Variants in ALLC observed in about 807,000 individuals in gnomAD.
ALLC encodes probable inactive allantoicase.
Under a neutral mutation model 45.0 loss-of-function variants are expected in ALLC, and 40 were observed. The ratio of observed to expected loss-of-function variants is 0.89; its 90% confidence interval spans 0.69 to 1.16. The LOEUF (loss-of-function observed/expected upper bound fraction) is 1.16, where lower values mean the gene tolerates loss of function less well. ALLC is among the 50% of genes most tolerant of loss of function. ALLC has a pLI of 0.00. For synonymous variants in ALLC, 176 were observed against 178.1 expected, an observed-to-expected ratio of 0.99 and a Z score of 0.09; for missense variants, 488 against 493.1, an observed-to-expected ratio of 0.99 and a Z score of 0.10.
intron 7 of ALLC, among the ~76,000 whole-genome samples, chr2:3,687,362 G>T (rs953539702): frequency 1.3e-5 from 2 of 150,796 alleles, no homozygotes; most frequent in Non-Finnish European, 3.0e-5. Flanking sequence ...GAGGATTTTT[G>T]CATCTATGTC....
chr2:3,670,053 A>G (rs1451866377), intron 1 of ALLC, among the ~76,000 whole-genome samples: 1 of 152,202 alleles, frequency 6.6e-6, no homozygotes, highest in Admixed American at 6.5e-5. Flanking sequence ...GCTTCAGCAC[A>G]AAAGAACCAG....
At chr2:3,653,729 G>A (rs924907653), upstream of ALLC, among the ~76,000 whole-genome samples, 7 of 151,858 alleles carry the variant, frequency 4.6e-5, no homozygotes, top group African/African-American at 1.2e-4. This position sits in a 1 kb window ranked among gnomAD's most constrained non-coding sequence, Gnocchi z 4.1. Context: ...CCCTCATCCC[G>A]TGGGCCATGA....
intron 9 of ALLC, among the ~76,000 whole-genome samples, chr2:3,696,836 C>G (rs988478164): frequency 6.6e-6 from 1 of 152,136 alleles, no homozygotes; most frequent in Admixed American, 6.5e-5. Flanking sequence ...AATACAATGC[C>G]TTTCAATTTG....
the ALLC span, among the ~76,000 whole-genome samples, chr2:3,649,259 T>TTG: frequency 6.6e-6 from 1 of 151,536 alleles, no homozygotes; most frequent in East Asian, 1.9e-4. Context: ...TTTTTTTTTT[T>TTG]GAGACGGAGT....
At chr2:3,702,204 T>C (rs1362869354) in intron 11 of ALLC, among the ~76,000 whole-genome samples, 159 bp from the exon 12 acceptor site, 1 of 152,240 alleles carries the variant, frequency 6.6e-6, no homozygotes, top group Non-Finnish European at 1.5e-5. Context: ...CTATCCCTAC[T>C]AGCAGATTTT....
chr2:3,655,218 C>A (rs928420312), upstream of ALLC, among the ~76,000 whole-genome samples: 1 of 152,250 alleles, frequency 6.6e-6, no homozygotes, highest in Admixed American at 6.5e-5. Flanking sequence ...TCACAGGCTT[C>A]CGGAACTTCA....
In ALLC at chr2:3,697,411, C is replaced by G. The variant is rs1404454020; in HGVS notation, c.805C>G (p.Pro269Ala). 6.2e-7 allele frequency: 1 copy of G among 1,613,730 alleles called. No homozygotes were observed. Among genetic ancestry groups the G allele is most frequent in the East Asian group, 2.2e-5 (1 of 44,882 alleles). Reference sequence around the variant, plus strand: ...ATGGGCAGTTTTCCGATTGGCACATCCTGGAGTAATAACTCGAATTGAAAT... The same window carrying G: ...ATGGGCAGTTTTCCGATTGGCACATGCTGGAGTAATAACTCGAATTGAAAT... ...CEWAVFRLAH[P>A]GVITRIEIDT... is the part of the protein sequence containing the mutation. The change falls in exon 10 of 12, where the codon CCT (proline) becomes GCT (alanine). Residue 269 changes from proline (P) to alanine (A), a missense_variant. Coordinates refer to ENST00000252505, the MANE Select transcript of ALLC (RefSeq NM_018436.4).
At chr2:3,645,861 GTGT>G in the ALLC span, among the ~76,000 whole-genome samples, 1 of 152,088 alleles carries the variant, frequency 6.6e-6, no homozygotes, top group Non-Finnish European at 1.5e-5. The surrounding 1 kb of genome is among the most constrained non-coding windows in gnomAD (Gnocchi z 4.3). Flanking sequence ...CTCCCAGCTG[GTGT>G]TGTGGGGCGA....
chr2:3,649,272 C>G, the ALLC span, among the ~76,000 whole-genome samples: 10 of 148,396 alleles, frequency 6.7e-5, no homozygotes, highest in East Asian at 2.0e-3. Flanking sequence ...GACGGAGTCT[C>G]GCTCTATTGC....
chr2:3,675,599 T>TAC (rs1001710125), intron 3 of ALLC, among the ~76,000 whole-genome samples: 2,652 of 147,958 alleles, frequency 0.018, 27 homozygotes, highest in Middle Eastern at 0.028. Context: ...TATATATATA[T>TAC]ACACACACAC....
the ALLC span, among the ~76,000 whole-genome samples, chr2:3,650,594 T>C: frequency 6.6e-6 from 1 of 152,210 alleles, no homozygotes; most frequent in Non-Finnish European, 1.5e-5. Context: ...CCCATAGTTC[T>C]GTGGGGGTCA....
chr2:3,702,139 G>T, intron 11 of ALLC, among the ~76,000 whole-genome samples: 1 of 152,026 alleles, frequency 6.6e-6, no homozygotes, highest in East Asian at 1.9e-4. Context: ...TGGGCATTTA[G>T]GTTGCCCATC....
At position 3,671,916 on chromosome 2, in the gene ALLC, GGAGGTCCTCTGGCTCTATTTAGATCC is replaced by G. The variant is rs1320012325; in HGVS notation, c.33+796_33+821del. On this transcript the variant is annotated intron_variant, in intron 2 of 11. Transcript: ENST00000252505. ...GAGGTCCTCTGGCTCTGGTTAGATG[GGAGGTCCTCTGGCTCTATTTAGATCC>G]GAGGTCCTCTGGCTCTATTTAGATC... Among the ~76,000 whole-genome samples, 31 of 126,314 alleles carry G rather than the reference GGAGGTCCTCTGGCTCTATTTAGATCC, an allele frequency of 2.5e-4. 1 individual carries two copies. The highest frequency in any genetic ancestry group is 7.3e-4 in the African/African-American group (22 of 30,112). 82.9% of individuals were successfully genotyped at this position (126,314 alleles called of 152,430 possible). A position where few individuals can be genotyped will look rare whatever the true frequency, so the allele number is the denominator to read the frequency against.
intron 1 of ALLC, among the ~76,000 whole-genome samples, chr2:3,666,249 CG>C (rs1339046105): frequency 6.6e-6 from 1 of 152,178 alleles, no homozygotes; most frequent in African/African-American, 2.4e-5. Flanking sequence ...CGCTCTGTAC[CG>C]GGGCATAGTG....
chr2:3,678,478 C>T lies in ALLC; in HGVS notation c.95C>T (p.Pro32Leu), dbSNP rs540280415. 10 of 1,613,736 alleles carry T rather than the reference C, an allele frequency of 6.2e-6. No individual in the cohort carries two copies. The highest frequency in any genetic ancestry group is 2.7e-5 in the African/African-American group (2 of 75,026). ...TGGTCTTTGCCCTAGAGTGACAGCC[C>T]GTGCTTCAAAGAGCATGAATATACG... ...PAENLIKSDS[P>L]CFKEHEYTEF... The change falls in exon 4 of 12, where the codon CCG becomes CTG. Residue 32 changes from proline to leucine, a missense_variant. Coordinates refer to ENST00000252505, the MANE Select transcript of ALLC (RefSeq NM_018436.4).
intron 1 of ALLC, among the ~76,000 whole-genome samples, chr2:3,661,223 T>C (rs1367038294): frequency 6.6e-6 from 1 of 152,166 alleles, no homozygotes; most frequent in Non-Finnish European, 1.5e-5. Context: ...CGGGAACAGA[T>C]ATGGAGCTAT....
chr2:3,673,710 A>G (rs1161532288), intron 2 of ALLC, among the ~76,000 whole-genome samples: 1 of 152,256 alleles, frequency 6.6e-6, no homozygotes, highest in African/African-American at 2.4e-5. Flanking sequence ...CAGAGGCCCC[A>G]ACCGCATACG....
At chr2:3,698,376 T>A (rs553444174) in intron 10 of ALLC, among the ~76,000 whole-genome samples, 1 of 152,046 alleles carries the variant, frequency 6.6e-6, no homozygotes, top group African/African-American at 2.4e-5. Context: ...AGGCTCTGCA[T>A]CCCCCTTGGA....
intron 4 of ALLC, among the ~76,000 whole-genome samples, chr2:3,679,553 G>A (rs1436442698): frequency 6.6e-6 from 1 of 152,206 alleles, no homozygotes. Context: ...TCTACTGTAA[G>A]AGGTAAATAA....
Sources: allele counts gnomAD v4.1 joint callset (sites outside exome capture counted in the v4.1 genomes callset), GRCh38; gene constraint gnomAD v4.1.1; non-coding constraint Gnocchi (gnomAD v3.1); transcripts MANE v1.5; gene names NCBI Gene and HGNC (gene_info 2026-07-23, HGNC 2026-07-21).